The following DOCK1 variants were observed in gnomAD, a reference collection of about 807,000 sequenced individuals.
DOCK1 encodes the protein dedicator of cytokinesis 1, also known as dedicator of cytokinesis protein 1.
A neutral mutation model predicts 262.7 loss-of-function variants in DOCK1; 138 were observed. The ratio of observed to expected loss-of-function variants is 0.53; its 90% CI spans 0.46 to 0.61. The LOEUF is 0.61. DOCK1 is among the 20% of genes least tolerant of loss of function. The pLI, the probability that DOCK1 is intolerant of heterozygous loss-of-function variation, is 0.00. For missense variants in DOCK1, 1,908 were observed against 2,370.7 expected, an observed-to-expected ratio of 0.80 and a Z score of 4.05; for synonymous variants, 866 against 867.4, an observed-to-expected ratio of 1.00 and a Z score of 0.03.
intron 1 of DOCK1, among the ~76,000 whole-genome samples, chr10:126,912,805 G>T (rs369145799): frequency 6.6e-6 from 1 of 151,498 alleles, no homozygotes; most frequent in South Asian, 2.1e-4. Flanking sequence ...ACCACACTTT[G>T]ACTTAGTCAC....
chr10:127,423,741 T>A (rs952535638), intron 46 of DOCK1, among the ~76,000 whole-genome samples: 1 of 152,198 alleles, frequency 6.6e-6, no homozygotes, highest in African/African-American at 2.4e-5. Context: ...TCCTGGAGCA[T>A]TAAGCAAGGC....
intron 6 of DOCK1, 31 bp from the exon 7 acceptor site, chr10:126,996,717 C>T (rs775277662): frequency 6.3e-7 from 1 of 1,593,710 alleles, no homozygotes; most frequent in South Asian, 1.2e-5. Context: ...TGGTCTATGT[C>T]TGTGAACTTA....
At chr10:127,196,717 GGAGGAGGAA>G (rs1171635806) in intron 27 of DOCK1, among the ~76,000 whole-genome samples, 3 of 102,454 alleles carry the variant, frequency 2.9e-5, no homozygotes, top group Non-Finnish European at 4.3e-5. Context: ...AGCTGGAGGA[GGAGGAGGAA>G]GAGGAGGAGG....
At chr10:127,134,543 T>C (rs1343564841) in intron 27 of DOCK1, among the ~76,000 whole-genome samples, 1 of 152,112 alleles carries the variant, frequency 6.6e-6, no homozygotes, top group Non-Finnish European at 1.5e-5. Flanking sequence ...TGGAAGTGAG[T>C]TGCACACTTG....
chr10:127,426,746 G>A (rs1321254134), intron 47 of DOCK1, among the ~76,000 whole-genome samples: 1 of 152,218 alleles, frequency 6.6e-6, no homozygotes, highest in African/African-American at 2.4e-5. Context: ...AACAAGGGAT[G>A]CTAGGCTGGG....
intron 29 of DOCK1, among the ~76,000 whole-genome samples, chr10:127,259,721 A>T (rs1440098484): frequency 6.6e-6 from 1 of 151,606 alleles, no homozygotes; most frequent in Non-Finnish European, 1.5e-5. Context: ...CTGAAGTTGC[A>T]TTCATGTCGC....
intron 50 of DOCK1, among the ~76,000 whole-genome samples, chr10:127,444,900 T>C (rs374665957): frequency 1.3e-5 from 2 of 151,380 alleles, no homozygotes; most frequent in African/African-American, 4.9e-5. Context: ...CTCCTTGGCT[T>C]GTGGCCACAT....
intron 42 of DOCK1, among the ~76,000 whole-genome samples, chr10:127,410,529 C>T (rs1436664279): frequency 1.3e-5 from 2 of 152,226 alleles, no homozygotes; most frequent in African/African-American, 4.8e-5. Flanking sequence ...TAAACACATA[C>T]GTTGAACACA....
chr10:127,133,331 AGAGTTT>A (rs543481560), intron 27 of DOCK1, among the ~76,000 whole-genome samples: 30 of 152,368 alleles, frequency 2.0e-4, no homozygotes, highest in Non-Finnish European at 3.8e-4. Context: ...TCATTATAAT[AGAGTTT>A]AAGTATGAAT....
intron 19 of DOCK1, among the ~76,000 whole-genome samples, chr10:127,039,181 TTAA>T (rs2043855433): frequency 6.6e-6 from 1 of 152,232 alleles, no homozygotes; most frequent in African/African-American, 2.4e-5. Context: ...TCTTAAAATT[TTAA>T]TCATCTTCTC....
intron 35 of DOCK1, among the ~76,000 whole-genome samples, chr10:127,374,942 A>G (rs916436940): frequency 2.0e-5 from 3 of 152,212 alleles, no homozygotes; most frequent in Non-Finnish European, 4.4e-5. Context: ...GAGAAGAAAC[A>G]TATCTGTTGT....
intron 1 of DOCK1, among the ~76,000 whole-genome samples, chr10:126,944,958 C>T (rs2035283503): frequency 6.6e-6 from 1 of 152,110 alleles, no homozygotes; most frequent in Non-Finnish European, 1.5e-5. Flanking sequence ...CCTGCCTCGG[C>T]CTCCTGAGTA....
chr10:127,266,510 T>C (rs202106814), intron 29 of DOCK1, among the ~76,000 whole-genome samples: 1 of 104,416 alleles, frequency 9.6e-6, no homozygotes, highest in Non-Finnish European at 2.1e-5. Context: ...CACACACATA[T>C]ATATAGACTG....
At position 127,271,671 on chromosome 10, in the gene DOCK1, G is replaced by A. The variant is rs577811421; in HGVS notation, c.3044+14242G>A. On this transcript the variant is annotated intron_variant, in intron 29 of 51. Transcript: ENST00000623213. ...TTCTGAACATTTCAGTGGCTGCACT[G>A]TACACTGTCCCATTACCCAACACAC... Among the ~76,000 whole-genome samples, 63 of 152,272 alleles carry A rather than the reference G, an allele frequency of 4.1e-4. No homozygotes were observed. In the Middle Eastern group the frequency reaches 0.01, roughly 25 times the overall value.
chr10:126,914,630 T>G (rs1375771865), intron 1 of DOCK1, among the ~76,000 whole-genome samples: 1 of 152,138 alleles, frequency 6.6e-6, no homozygotes, highest in African/African-American at 2.4e-5. Flanking sequence ...TTGACCAAAG[T>G]GCAGGGATTA....
intron 27 of DOCK1, among the ~76,000 whole-genome samples, chr10:127,195,185 G>A (rs2057021308): frequency 1.3e-5 from 2 of 152,214 alleles, no homozygotes; most frequent in African/African-American, 4.8e-5. Flanking sequence ...GGAGCCCTGA[G>A]CATGAACCAG....
chr10:127,155,548 G>A (rs1970633), intron 27 of DOCK1, among the ~76,000 whole-genome samples: 1 of 152,182 alleles, frequency 6.6e-6, no homozygotes, highest in East Asian at 1.9e-4. Context: ...CAGGAGAGAG[G>A]GGGATGAACA....
intron 27 of DOCK1, among the ~76,000 whole-genome samples, chr10:127,159,518 C>T (rs1459041077): frequency 6.6e-6 from 1 of 152,144 alleles, no homozygotes; most frequent in African/African-American, 2.4e-5. Flanking sequence ...AATACACACA[C>T]ATACATACCT....
chr10:127,016,100 A>G (rs1413438453), intron 12 of DOCK1: 1 of 152,234 alleles, frequency 6.6e-6, no homozygotes, highest in Non-Finnish European at 1.5e-5. Flanking sequence ...ATATTTCTCT[A>G]AGAGACCATG....
Sources: gnomAD v4.1 joint callset for allele counts (sites outside exome capture counted in the v4.1 genomes callset) on GRCh38, gnomAD v4.1.1 for gene constraint, MANE v1.5 for transcripts, NCBI Gene and HGNC (gene_info 2026-07-23, HGNC 2026-07-21) for gene names.